The following PDE4B variants were observed in gnomAD, a reference collection of about 807,000 sequenced individuals.
PDE4B encodes phosphodiesterase 4B.
In PDE4B, 20 loss-of-function variants were observed where a neutral mutation model predicts 82.2. The ratio of observed to expected loss-of-function variants is 0.24; its 90% confidence interval spans 0.17 to 0.35. The LOEUF (loss-of-function observed/expected upper bound fraction) is 0.35. Ranked by LOEUF, PDE4B falls within the 10% of genes least tolerant of loss-of-function variation. The pLI, the probability that PDE4B is intolerant of heterozygous loss-of-function variation, is 1.00. For missense variants in PDE4B, 655 were observed against 907.2 expected, an observed-to-expected ratio of 0.72 and a Z score of 3.57; for synonymous variants, 320 against 318.9, an observed-to-expected ratio of 1.00 and a Z score of -0.04.
At chr1:66,058,458 A>G (rs1655417365) in intron 3 of PDE4B, among the ~76,000 whole-genome samples, 1 of 152,090 alleles carries the variant, frequency 6.6e-6, no homozygotes, top group East Asian at 1.9e-4. Flanking sequence ...CTGACTACAC[A>G]TTTCCCTTCT....
At chr1:65,993,024 C>A in intron 3 of PDE4B, 2 of 1,613,890 alleles carry the variant, frequency 1.2e-6, no homozygotes, top group Non-Finnish European at 8.5e-7. Context: ...AGGAAACAGA[C>A]CTACATCTCC....
chr1:66,200,789 C>A (rs967000485), intron 3 of PDE4B, among the ~76,000 whole-genome samples: 1 of 152,186 alleles, frequency 6.6e-6, no homozygotes, highest in African/African-American at 2.4e-5. Flanking sequence ...ATGTCATCTG[C>A]AAACAGGGAG....
chr1:65,915,465 C>A (rs190248283), intron 2 of PDE4B, among the ~76,000 whole-genome samples: 1 of 152,214 alleles, frequency 6.6e-6, no homozygotes, highest in East Asian at 1.9e-4. Context: ...CAGTAGGAGA[C>A]CTTAAAAATA....
chr1:66,089,184 G>A (rs1276474504), intron 3 of PDE4B, among the ~76,000 whole-genome samples: 1 of 151,956 alleles, frequency 6.6e-6, no homozygotes, highest in Non-Finnish European at 1.5e-5. Context: ...CTTCATTTTT[G>A]GAAATAATTA....
intron 3 of PDE4B, among the ~76,000 whole-genome samples, chr1:66,188,849 T>C (rs1179030402): frequency 2.6e-5 from 4 of 152,328 alleles, no homozygotes; most frequent in Non-Finnish European, 2.9e-5. Flanking sequence ...AGGTTAGTAT[T>C]GTTATGTGTG....
chr1:66,190,639 G>T (rs971502697), intron 3 of PDE4B, among the ~76,000 whole-genome samples: 7 of 152,216 alleles, frequency 4.6e-5, no homozygotes, highest in Non-Finnish European at 1.0e-4. Flanking sequence ...CTCTGAGCCA[G>T]GCGTGGGATA....
At chr1:65,933,792 T>G (rs1647972814) in intron 3 of PDE4B, among the ~76,000 whole-genome samples, 1 of 152,156 alleles carries the variant, frequency 6.6e-6, no homozygotes, top group African/African-American at 2.4e-5. Context: ...AAAGTGAAAC[T>G]TGGTAATGAT....
At chr1:65,818,633 G>A (rs965410783) in intron 1 of PDE4B, among the ~76,000 whole-genome samples, 2 of 147,780 alleles carry the variant, frequency 1.4e-5, no homozygotes, top group African/African-American at 5.0e-5. Flanking sequence ...TACAATGAAT[G>A]TTTAATACAT....
intron 3 of PDE4B, among the ~76,000 whole-genome samples, chr1:65,976,845 C>A (rs1331141506): frequency 6.6e-6 from 1 of 152,220 alleles, no homozygotes; most frequent in Admixed American, 6.5e-5. Flanking sequence ...GCCTGCAGAA[C>A]TGTGAGTCAA....
chr1:65,955,802 C>A (rs80100561), intron 3 of PDE4B, among the ~76,000 whole-genome samples: 1 of 152,112 alleles, frequency 6.6e-6, no homozygotes, highest in African/African-American at 2.4e-5. Flanking sequence ...GCTGTTCTCA[C>A]GCTGGCCTCT....
chr1:66,036,855 C>T (rs1412507379), intron 3 of PDE4B, among the ~76,000 whole-genome samples: 2 of 151,942 alleles, frequency 1.3e-5, no homozygotes, highest in African/African-American at 4.8e-5. Context: ...TTTTTCTGGG[C>T]CAAGTGTGGT....
chr1:66,218,856 A>T (rs561773433), intron 3 of PDE4B, among the ~76,000 whole-genome samples: 2 of 152,278 alleles, frequency 1.3e-5, no homozygotes, highest in African/African-American at 4.8e-5. Flanking sequence ...ATCCAGCTAC[A>T]GATGGATAGC....
At chr1:65,816,139 T>A (rs1196377576) in intron 1 of PDE4B, among the ~76,000 whole-genome samples, 3 of 151,722 alleles carry the variant, frequency 2.0e-5, no homozygotes, top group African/African-American at 7.3e-5. Context: ...AAGAAAGCTA[T>A]TTTTTAAAAT....
chr1:66,181,146 A>G, intron 3 of PDE4B, among the ~76,000 whole-genome samples: 1 of 152,206 alleles, frequency 6.6e-6, no homozygotes, highest in East Asian at 1.9e-4. Flanking sequence ...TTGCTCAGTT[A>G]GGAAGTTCAG....
rs531409491 is a variant in PDE4B, at chr1:66,161,694, A to G, written c.282-85766A>G. Among the ~76,000 whole-genome samples, 193 of 152,242 alleles carry G rather than the reference A, an allele frequency of 1.3e-3. 2 individuals carry two copies. The highest frequency in any genetic ancestry group is 4.6e-3 in the African/African-American group (191 of 41,542). On this transcript the variant is annotated intron_variant, in intron 3 of 16. Coordinates refer to ENST00000341517, the MANE Select transcript of PDE4B (RefSeq NM_002600.4). ...ATTATTTGCATTTAAAGATGAAGACACTGAGGGTCTATGGAACAAATGACA... is the reference window on the plus strand; with the variant it reads ...ATTATTTGCATTTAAAGATGAAGACGCTGAGGGTCTATGGAACAAATGACA...
rs563908130 is a variant in PDE4B at position 65,814,186 on chromosome 1, G to A, written c.-71+20938G>A. 2.6e-5 allele frequency among the ~76,000 whole-genome samples: 4 copies of A among 152,294 alleles called. No individual in the cohort carries two copies. In the South Asian group the frequency reaches 8.3e-4, roughly 32 times the overall value. On this transcript the variant is annotated intron_variant, in intron 1 of 16. Transcript: ENST00000341517. Reference sequence around the variant, plus strand: ...TTGCCCGAGGCAGCTGCTGGTTGATGGAAACAGCTCAGGGTGTGTGTCAGC... The same window carrying A: ...TTGCCCGAGGCAGCTGCTGGTTGATAGAAACAGCTCAGGGTGTGTGTCAGC...
At chr1:66,073,809 A>G (rs1219846938) in intron 3 of PDE4B, among the ~76,000 whole-genome samples, 1 of 152,130 alleles carries the variant, frequency 6.6e-6, no homozygotes, top group Non-Finnish European at 1.5e-5. Context: ...TGCTGCCTCT[A>G]AGGACATTAA....
At chr1:66,205,877 C>T (rs1262378872) in intron 3 of PDE4B, among the ~76,000 whole-genome samples, 1 of 152,192 alleles carries the variant, frequency 6.6e-6, no homozygotes, top group Non-Finnish European at 1.5e-5. Context: ...CATTTTTCTG[C>T]ATTCAGGTAG....
chr1:66,017,150 C>G (rs577425769), intron 3 of PDE4B, among the ~76,000 whole-genome samples: 12 of 152,144 alleles, frequency 7.9e-5, no homozygotes, highest in Non-Finnish European at 1.2e-4. Flanking sequence ...TGTCTTCTTT[C>G]AGACTGTTGA....
Sources: gnomAD v4.1 joint callset for allele counts (sites outside exome capture counted in the v4.1 genomes callset) on GRCh38, gnomAD v4.1.1 for gene constraint, MANE v1.5 for transcripts, NCBI Gene and HGNC (gene_info 2026-07-23, HGNC 2026-07-21) for gene names.